The following NFIL3 variants were observed in gnomAD, a reference collection of about 807,000 sequenced individuals.
The protein encoded by NFIL3 is nuclear factor, interleukin 3 regulated.
Under a neutral mutation model 10.0 loss-of-function variants are expected in NFIL3, and 5 were observed. That is an observed-to-expected ratio of 0.50 (90% confidence interval 0.26 to 1.06). The LOEUF (loss-of-function observed/expected upper bound fraction) is 1.06. Ranked by LOEUF, NFIL3 falls within the 50% of genes least tolerant of loss-of-function variation. The pLI is 0.13. For synonymous variants in NFIL3, 202 were observed against 206.5 expected, an observed-to-expected ratio of 0.98 and a Z score of 0.19; for missense variants, 436 against 547.6, an observed-to-expected ratio of 0.80 and a Z score of 2.03.
rs1833515149 is a variant in NFIL3 at position 91,410,151 on chromosome 9, G to A, written c.584C>T (p.Ser195Leu). The change falls in exon 2 of 2, where the codon TCA (serine) becomes TTA (leucine). Residue 195 changes from serine to leucine, a missense_variant. Physicochemically the swap from Ser to Leu is moderately radical, Grantham distance 145 (BLOSUM62 -2). Transcript: ENST00000297689. The surrounding 1 kb of genome is among the most constrained non-coding windows in gnomAD (Gnocchi z 5.7). Reference sequence around the variant, plus strand: ...AGAGCTCTCCTGCGTGTGTTCTACTGAGGACACTTCTGAAACATCGGACAG... The same window carrying A: ...AGAGCTCTCCTGCGTGTGTTCTACTAAGGACACTTCTGAAACATCGGACAG... ...SSLSDVSEVS[S>L]VEHTQESSVQ... 1.9e-6 allele frequency: 3 copies of A among 1,614,032 alleles called. No individual in the cohort carries two copies. Among genetic ancestry groups the A allele is most frequent in the African/African-American group, 2.7e-5 (2 of 74,906 alleles).
chr9:91,412,485 A>G (rs1007371212), intron 1 of NFIL3, among the ~76,000 whole-genome samples: 1 of 152,188 alleles, frequency 6.6e-6, no homozygotes, highest in Admixed American at 6.5e-5. Context: ...TTCGTTAAAT[A>G]GACATGGTAC....
the NFIL3 span, among the ~76,000 whole-genome samples, chr9:91,438,696 G>C: frequency 1.3e-5 from 2 of 152,128 alleles, no homozygotes; most frequent in East Asian, 3.8e-4. Flanking sequence ...CATGATGTAA[G>C]ATAACAGTCC....
chr9:91,469,982 G>A, the NFIL3 span, among the ~76,000 whole-genome samples: 1,041 of 152,136 alleles, frequency 6.8e-3, 15 homozygotes, highest in African/African-American at 0.024. Context: ...GGATATTGGT[G>A]TAAAATTCTC....
chr9:91,460,329 C>T, the NFIL3 span, among the ~76,000 whole-genome samples: 1 of 131,188 alleles, frequency 7.6e-6, no homozygotes, highest in Non-Finnish European at 1.5e-5. Flanking sequence ...GGCTGTAGTG[C>T]AGTGGTGCAA....
intron 1 of NFIL3, among the ~76,000 whole-genome samples, chr9:91,421,615 G>A (rs942273062): frequency 1.3e-5 from 2 of 152,112 alleles, no homozygotes; most frequent in African/African-American, 4.8e-5. Flanking sequence ...GGCGCACTGG[G>A]GGCCGCACGG....
At position 91,410,811 on chromosome 9, in the gene NFIL3, CTGG is replaced by C. The variant is rs1833534285; in HGVS notation, c.-80_-78del. On this transcript the variant is annotated 5_prime_UTR_variant, in exon 2 of 2. Transcript: ENST00000297689. This position sits in a 1 kb window ranked among gnomAD's most constrained non-coding sequence, Gnocchi z 5.7. ...CGTATTCTCAAGCTCTTTAAAAACT[CTGG>C]TTTAAAATCCATCAATATTCTTCCT... 1 of 1,419,994 alleles carries C rather than the reference CTGG, an allele frequency of 7.0e-7. No homozygotes were observed. The highest frequency in any genetic ancestry group is 1.4e-5 in the African/African-American group (1 of 69,806). 88.0% of individuals were successfully genotyped at this position (1,419,994 alleles called of 1,614,324 possible).
chr9:91,437,250 A>T, the NFIL3 span, among the ~76,000 whole-genome samples: 1 of 152,236 alleles, frequency 6.6e-6, no homozygotes, highest in African/African-American at 2.4e-5. Flanking sequence ...TTATTGAGTT[A>T]TAATTCACAT....
At chr9:91,424,198 C>G (rs1258933615), upstream of NFIL3, among the ~76,000 whole-genome samples, 1 of 152,110 alleles carries the variant, frequency 6.6e-6, no homozygotes, top group Non-Finnish European at 1.5e-5. Context: ...CCGCCCCGTC[C>G]GCTCTTGGCT....
At chr9:91,465,773 A>C in the NFIL3 span, among the ~76,000 whole-genome samples, 29 of 152,226 alleles carry the variant, frequency 1.9e-4, no homozygotes, top group African/African-American at 6.5e-4. Context: ...TAATCTGTTC[A>C]GGAGTTGGGC....
At chr9:91,437,879 A>G in the NFIL3 span, among the ~76,000 whole-genome samples, 1 of 152,196 alleles carries the variant, frequency 6.6e-6, no homozygotes, top group Non-Finnish European at 1.5e-5. Flanking sequence ...ATCTATATGT[A>G]TGTAGCACAG....
chr9:91,472,147 C>T, the NFIL3 span, among the ~76,000 whole-genome samples: 3 of 152,186 alleles, frequency 2.0e-5, no homozygotes, highest in African/African-American at 7.2e-5. Context: ...TTTTTTCCTT[C>T]ATTTCAACCT....
chr9:91,446,860 G>A, the NFIL3 span, among the ~76,000 whole-genome samples: 2 of 150,140 alleles, frequency 1.3e-5, no homozygotes, highest in African/African-American at 4.9e-5. Context: ...TTGTTGCCCA[G>A]GCTGGAATGC....
the NFIL3 span, among the ~76,000 whole-genome samples, chr9:91,458,753 T>G: frequency 6.6e-6 from 1 of 152,210 alleles, no homozygotes; most frequent in Admixed American, 6.5e-5. Flanking sequence ...TTAGAAAGTA[T>G]TTGCTTATTT....
the NFIL3 span, among the ~76,000 whole-genome samples, chr9:91,449,605 G>A: frequency 2.1e-4 from 32 of 152,094 alleles, no homozygotes; most frequent in Admixed American, 5.2e-4. Context: ...AATTTAGTTT[G>A]CTAGGATTTT....
At chr9:91,454,374 C>T in the NFIL3 span, among the ~76,000 whole-genome samples, 1 of 151,644 alleles carries the variant, frequency 6.6e-6, no homozygotes, top group Admixed American at 6.6e-5. Flanking sequence ...TTTATCCCAA[C>T]AATATTTGCC....
chr9:91,472,827 C>T, the NFIL3 span, among the ~76,000 whole-genome samples: 1 of 152,126 alleles, frequency 6.6e-6, no homozygotes, highest in Non-Finnish European at 1.5e-5. Flanking sequence ...TGGTTTCTCC[C>T]CAGCTTTGTG....
chr9:91,424,776 C>G (rs1259213664), upstream of NFIL3, among the ~76,000 whole-genome samples: 1 of 152,268 alleles, frequency 6.6e-6, no homozygotes, highest in Non-Finnish European at 1.5e-5. Context: ...GGGACGCCCA[C>G]TGTCGTTTGG....
In NFIL3 at chr9:91,423,666, G is replaced by A. The variant is rs1443557058; in HGVS notation, c.-199C>T. Reference sequence around the variant, plus strand: ...GTGTTCCTGCTCTCGGGCCGGCGAGGAGAAAGAAAGGGGCGGCCGGGAGTC... The same window carrying A: ...GTGTTCCTGCTCTCGGGCCGGCGAGAAGAAAGAAAGGGGCGGCCGGGAGTC... On this transcript the variant is annotated 5_prime_UTR_variant, in exon 1 of 2. Coordinates refer to ENST00000297689, the MANE Select transcript of NFIL3 (RefSeq NM_005384.3). 6.8e-6 allele frequency: 1 copy of A among 146,170 alleles called. No homozygotes were observed. The highest frequency in any genetic ancestry group is 2.5e-5 in the African/African-American group (1 of 40,782). 9.1% of individuals were successfully genotyped at this position (146,170 alleles called of 1,614,324 possible).
At chr9:91,467,232 A>ATG in the NFIL3 span, among the ~76,000 whole-genome samples, 1 of 151,904 alleles carries the variant, frequency 6.6e-6, no homozygotes, top group African/African-American at 2.4e-5. Flanking sequence ...GTAAATGCAT[A>ATG]TGTGTGTGTA....
Sources: gnomAD v4.1 joint callset for allele counts (sites outside exome capture counted in the v4.1 genomes callset) on GRCh38, gnomAD v4.1.1 for gene constraint, Gnocchi (gnomAD v3.1) non-coding constraint, MANE v1.5 for transcripts, NCBI Gene and HGNC (gene_info 2026-07-23, HGNC 2026-07-21) for gene names.